GALNTL5: variants seen among roughly 807,000 people sequenced by gnomAD.
GALNTL5 encodes inactive polypeptide N-acetylgalactosaminyltransferase-like protein 5.
In GALNTL5, 44 loss-of-function variants were observed where a neutral mutation model predicts 51.0. That is an observed-to-expected ratio of 0.86 (90% CI 0.68 to 1.11). The LOEUF (loss-of-function observed/expected upper bound fraction) is 1.11, where lower values mean the gene tolerates loss of function less well. Ranked by LOEUF, GALNTL5 falls within the 50% of genes least tolerant of loss-of-function variation. GALNTL5 has a pLI of 0.00. For missense variants in GALNTL5, 528 were observed against 531.8 expected (o/e 0.99, Z 0.07); for synonymous variants, 192 against 182.8 (o/e 1.05, Z -0.41).
intron 4 of GALNTL5, chr7:151,984,125 T>G (rs1044570273): frequency 6.6e-6 from 1 of 152,202 alleles, no homozygotes; most frequent in African/African-American, 2.4e-5. Context: ...TATGAGGAGC[T>G]ATTAAGGGCT....
intron 1 of GALNTL5, among the ~76,000 whole-genome samples, chr7:151,957,134 T>A (rs2080935393): frequency 7.4e-6 from 1 of 135,434 alleles, no homozygotes; most frequent in African/African-American, 2.9e-5. Context: ...AGTGAGACTC[T>A]GTCTCGAGAA....
intron 2 of GALNTL5, among the ~76,000 whole-genome samples, chr7:151,969,219 TTA>T (rs2081096660): frequency 6.6e-6 from 1 of 152,226 alleles, no homozygotes; most frequent in Non-Finnish European, 1.5e-5. Context: ...TTTATGGTTT[TTA>T]TGTTTCATCT....
intron 4 of GALNTL5, among the ~76,000 whole-genome samples, chr7:151,986,293 G>A (rs982178156): frequency 1.2e-4 from 18 of 152,258 alleles, no homozygotes; most frequent in African/African-American, 4.3e-4. Context: ...CTATTAAAAT[G>A]TTAATAGTGA....
At chr7:152,010,898 A>G (rs1447447219) in intron 7 of GALNTL5, among the ~76,000 whole-genome samples, 2 of 152,334 alleles carry the variant, frequency 1.3e-5, no homozygotes, top group Non-Finnish European at 2.9e-5. Context: ...AAGAACTGAC[A>G]TTTAAGATAC....
At chr7:151,985,211 G>A (rs1484446876) in intron 4 of GALNTL5, among the ~76,000 whole-genome samples, 3 of 152,094 alleles carry the variant, frequency 2.0e-5, no homozygotes, top group African/African-American at 7.2e-5. Context: ...TTGAATTTTG[G>A]TGGGGACACA....
In GALNTL5 at chr7:151,961,913, G is replaced by C. The variant is rs116816571; in HGVS notation, c.-39-5295G>C. 6.6e-3 allele frequency among the ~76,000 whole-genome samples: 1,008 copies of C among 151,670 alleles called. 10 individuals carry two copies. The highest frequency in any genetic ancestry group is 0.023 in the African/African-American group (957 of 41,374). ...CAAAATCTTATAAAGAAAATCAGCA[G>C]GTCCCTGCCCAGTTCCTGCCCAGCC... On this transcript the variant is annotated intron_variant, in intron 1 of 8. Coordinates refer to ENST00000392800, the MANE Select transcript of GALNTL5 (RefSeq NM_145292.4).
At chr7:151,988,276 G>A (rs564480751) in intron 5 of GALNTL5, among the ~76,000 whole-genome samples, 5 of 152,182 alleles carry the variant, frequency 3.3e-5, no homozygotes, top group African/African-American at 1.2e-4. Context: ...GCTGCTGGGC[G>A]GCTGAGTCCC....
chr7:151,974,015 C>T (rs1262518024), intron 3 of GALNTL5, among the ~76,000 whole-genome samples: 1 of 152,170 alleles, frequency 6.6e-6, no homozygotes, highest in Non-Finnish European at 1.5e-5. Context: ...ATGTACCTTG[C>T]TTCCCCTTCA....
chr7:151,982,057 T>C (rs1356589859), intron 3 of GALNTL5, among the ~76,000 whole-genome samples: 1 of 152,118 alleles, frequency 6.6e-6, no homozygotes, highest in Non-Finnish European at 1.5e-5. Flanking sequence ...TAATAACTAA[T>C]ATTACTAGAA....
Position 151,967,324 on chromosome 7 carries a change from T to C in GALNTL5, c.78T>C (p.Tyr26=). ...FGIWTALLFI[Y]LHHNHVSSWQ... is the part of the protein sequence containing the mutation. Reference sequence around the variant, plus strand: ...TCTGGACAGCTCTGTTATTCATATATTTGCACCATAATCATGTGAGCAGCT... The same window carrying C: ...TCTGGACAGCTCTGTTATTCATATACTTGCACCATAATCATGTGAGCAGCT... Residue 26 remains tyrosine (Y), a synonymous_variant, in exon 2 of 9, where the codon TAT becomes TAC. Coordinates refer to ENST00000392800, the MANE Select transcript of GALNTL5 (RefSeq NM_145292.4). 2 of 1,614,116 alleles carry C rather than the reference T, an allele frequency of 1.2e-6. No individual in the cohort carries two copies. The highest frequency in any genetic ancestry group is 2.2e-5 in the East Asian group (1 of 44,872).
chr7:152,012,005 C>G (rs757723483), intron 7 of GALNTL5, among the ~76,000 whole-genome samples: 3 of 152,204 alleles, frequency 2.0e-5, no homozygotes, highest in Non-Finnish European at 2.9e-5. Flanking sequence ...GGGCTGGGCT[C>G]TAGTCTCTGA....
intron 4 of GALNTL5, among the ~76,000 whole-genome samples, chr7:151,984,857 A>T (rs1010735695): frequency 6.6e-6 from 1 of 152,196 alleles, no homozygotes; most frequent in Non-Finnish European, 1.5e-5. Flanking sequence ...ATGGAGACAC[A>T]GTGCCAGGAA....
intron 6 of GALNTL5, among the ~76,000 whole-genome samples, chr7:152,005,424 G>T (rs142885459): frequency 2.0e-4 from 31 of 152,244 alleles, no homozygotes; most frequent in African/African-American, 7.0e-4. Flanking sequence ...TGACTCCAAC[G>T]TTTTCGGCCT....
chr7:151,981,649 T>TCTCC (rs1186906780), intron 3 of GALNTL5, among the ~76,000 whole-genome samples: 2 of 136,748 alleles, frequency 1.5e-5, no homozygotes, highest in African/African-American at 5.4e-5. Context: ...TCTCTCTCTC[T>TCTCC]CTCCCTCCCT....
chr7:151,977,754 A>G (rs957638354), intron 3 of GALNTL5, among the ~76,000 whole-genome samples: 4 of 152,242 alleles, frequency 2.6e-5, no homozygotes, highest in South Asian at 2.1e-4. Context: ...ACATTACTCT[A>G]AAGTTATTGT....
At position 151,998,770 on chromosome 7, in the gene GALNTL5, T is replaced by TAA. The variant is rs1447916747; in HGVS notation, c.659-3932_659-3931dup. On this transcript the variant is annotated intron_variant, in intron 5 of 8. Coordinates refer to ENST00000392800, the MANE Select transcript of GALNTL5 (RefSeq NM_145292.4). The stretch of plus-strand genomic sequence containing the variant: ...CTGGGTGACAGAGCGAGACTCTATC[T>TAA]AAAAAAAAAAAAACAAAAAACAAAA... Among the ~76,000 whole-genome samples, 99 of 71,346 alleles carry TAA rather than the reference T, an allele frequency of 1.4e-3. 2 individuals carry two copies. The highest frequency in any genetic ancestry group is 6.9e-3 in the East Asian group (16 of 2,326). The allele number at this position is 71,346 out of a possible 152,430, so 46.8% of individuals were successfully genotyped here. A position where few individuals can be genotyped will look rare whatever the true frequency, so the allele number is the denominator to read the frequency against.
chr7:151,991,182 T>C (rs1188087964), intron 5 of GALNTL5, among the ~76,000 whole-genome samples: 7 of 152,104 alleles, frequency 4.6e-5, no homozygotes, highest in African/African-American at 7.2e-5. Flanking sequence ...AACCTCAGCC[T>C]CCCGGGTTCA....
chr7:151,999,089 G>C (rs972212922), intron 5 of GALNTL5, among the ~76,000 whole-genome samples: 7 of 152,136 alleles, frequency 4.6e-5, no homozygotes, highest in Non-Finnish European at 8.8e-5. Flanking sequence ...TCTGTGTTCT[G>C]TCTCTTTCTA....
intron 5 of GALNTL5, among the ~76,000 whole-genome samples, chr7:151,999,731 A>G (rs938457362): frequency 1.3e-5 from 2 of 152,204 alleles, no homozygotes; most frequent in African/African-American, 4.8e-5. Context: ...ACGTAATATT[A>G]TAGAAGCTAT....
Sources: allele counts gnomAD v4.1 joint callset (sites outside exome capture counted in the v4.1 genomes callset), GRCh38; gene constraint gnomAD v4.1.1; transcripts MANE v1.5; gene names NCBI Gene and HGNC (gene_info 2026-07-23, HGNC 2026-07-21).